ATRNL1: variants seen among roughly 807,000 people sequenced by gnomAD.
ATRNL1 encodes the protein attractin-like protein 1.
Under a neutral mutation model 182.7 loss-of-function variants are expected in ATRNL1, and 95 were observed. The ratio of observed to expected loss-of-function variants is 0.52; its 90% CI spans 0.44 to 0.62. The LOEUF (loss-of-function observed/expected upper bound fraction) is 0.62. Among genes scored for constraint, ATRNL1 ranks in the 20% least tolerant of loss-of-function variants. ATRNL1 has a pLI of 0.00. For missense variants in ATRNL1, 1,471 were observed against 1,679.5 expected, an observed-to-expected ratio of 0.88 and a Z score of 2.17; for synonymous variants, 576 against 568.3, an observed-to-expected ratio of 1.01 and a Z score of -0.19.
intron 5 of ATRNL1, among the ~76,000 whole-genome samples, chr10:115,131,159 TG>T (rs1258826905): frequency 1.3e-5 from 2 of 152,048 alleles, no homozygotes; most frequent in African/African-American, 4.8e-5. Context: ...AAGCAAATAC[TG>T]GGTATGTTCA....
intron 24 of ATRNL1, among the ~76,000 whole-genome samples, chr10:115,494,464 G>A (rs1043617460): frequency 2.0e-5 from 3 of 152,126 alleles, no homozygotes; most frequent in African/African-American, 4.8e-5. Context: ...TCAGCATGAC[G>A]TTGGCTGTGG....
intron 18 of ATRNL1, among the ~76,000 whole-genome samples, chr10:115,323,506 G>A (rs889500803): frequency 4.9e-5 from 7 of 143,216 alleles, no homozygotes; most frequent in South Asian, 2.3e-4. Context: ...GTGCAGTGGC[G>A]CAATCTCAGC....
chr10:115,309,663 G>A (rs181887060), intron 17 of ATRNL1, among the ~76,000 whole-genome samples: 1 of 152,158 alleles, frequency 6.6e-6, no homozygotes, highest in East Asian at 1.9e-4. Context: ...AAATCTAGGA[G>A]TCTTTTGGAG....
intron 27 of ATRNL1, among the ~76,000 whole-genome samples, chr10:115,797,808 C>T (rs75629453): frequency 0.042 from 6,422 of 152,224 alleles, 394 homozygotes; most frequent in African/African-American, 0.13. Flanking sequence ...AGGAGCCAGC[C>T]ATAGGGCTAT....
At chr10:115,297,725 G>A (rs1330464634) in intron 15 of ATRNL1, among the ~76,000 whole-genome samples, 1 of 150,888 alleles carries the variant, frequency 6.6e-6, no homozygotes, top group Non-Finnish European at 1.5e-5. Context: ...CTTATGCAGA[G>A]CTTATTATTG....
rs782705913 is a variant in ATRNL1 at position 115,859,625 on chromosome 10, T to C, written c.4018+11634T>C. Among the ~76,000 whole-genome samples, 88 of 152,256 alleles carry C rather than the reference T, an allele frequency of 5.8e-4. No homozygotes were observed. The Middle Eastern group carries it at 0.01, about 18-fold the overall frequency. On this transcript the variant is annotated intron_variant, in intron 28 of 28. Transcript: ENST00000355044. Reference sequence around the variant, plus strand: ...AAACATTTTTCTGGGGGTCACCTCATAGGGCCAGTGGTCCGTCAGCAAATC... The same window carrying C: ...AAACATTTTTCTGGGGGTCACCTCACAGGGCCAGTGGTCCGTCAGCAAATC...
intron 14 of ATRNL1, among the ~76,000 whole-genome samples, chr10:115,283,986 A>G (rs1852492748): frequency 6.6e-6 from 1 of 152,216 alleles, no homozygotes; most frequent in Non-Finnish European, 1.5e-5. Context: ...TTTGATTTCC[A>G]TTCAGCTTAT....
At chr10:115,679,341 T>C (rs1253824003) in intron 26 of ATRNL1, among the ~76,000 whole-genome samples, 1 of 152,068 alleles carries the variant, frequency 6.6e-6, no homozygotes, top group Non-Finnish European at 1.5e-5. Flanking sequence ...ATTCCAGGTT[T>C]GTTGTTCCTT....
At chr10:115,887,792 C>T (rs1220384631) in intron 28 of ATRNL1, among the ~76,000 whole-genome samples, 4 of 151,872 alleles carry the variant, frequency 2.6e-5, no homozygotes, top group African/African-American at 9.7e-5. Flanking sequence ...AATTTATCAC[C>T]GAGTTCACTA....
At chr10:115,605,690 A>G (rs1592936312) in intron 26 of ATRNL1, among the ~76,000 whole-genome samples, 1 of 152,044 alleles carries the variant, frequency 6.6e-6, no homozygotes, top group Non-Finnish European at 1.5e-5. Flanking sequence ...TTAAATAGAC[A>G]TGTGCCTTTT....
chr10:115,226,398 T>C (rs1849697108), intron 9 of ATRNL1, among the ~76,000 whole-genome samples: 1 of 151,948 alleles, frequency 6.6e-6, no homozygotes. Context: ...AGAAAAATGA[T>C]AGACTGAACT....
At chr10:115,388,180 A>G (rs1263404940) in intron 19 of ATRNL1, among the ~76,000 whole-genome samples, 1 of 152,062 alleles carries the variant, frequency 6.6e-6, no homozygotes, top group Non-Finnish European at 1.5e-5. Flanking sequence ...ACAGTTTTTC[A>G]TATTTTATAT....
chr10:115,522,624 C>T (rs1851002494), intron 25 of ATRNL1, among the ~76,000 whole-genome samples: 2 of 152,160 alleles, frequency 1.3e-5, no homozygotes, highest in African/African-American at 4.8e-5. Flanking sequence ...AAAATATAAT[C>T]ATTTAATCCC....
chr10:115,159,483 A>G (rs1226198589), intron 5 of ATRNL1, among the ~76,000 whole-genome samples: 1 of 151,178 alleles, frequency 6.6e-6, no homozygotes, highest in Non-Finnish European at 1.5e-5. Context: ...CTTTTTGAGG[A>G]CTCCACTGAA....
At chr10:115,884,073 C>T (rs1951889187) in intron 28 of ATRNL1, among the ~76,000 whole-genome samples, 1 of 152,190 alleles carries the variant, frequency 6.6e-6, no homozygotes, top group Non-Finnish European at 1.5e-5. Flanking sequence ...ATGGAACAAG[C>T]TGTCATAAAC....
chr10:115,513,163 C>T (rs1554983078), intron 24 of ATRNL1, among the ~76,000 whole-genome samples: 1 of 151,860 alleles, frequency 6.6e-6, no homozygotes, highest in Non-Finnish European at 1.5e-5. Context: ...CCTGCAGTTT[C>T]CAGTTTTATT....
At chr10:115,159,862 CT>C (rs1357166868) in intron 5 of ATRNL1, among the ~76,000 whole-genome samples, 177 bp from the exon 6 acceptor site, 1 of 151,540 alleles carries the variant, frequency 6.6e-6, no homozygotes, top group Non-Finnish European at 1.5e-5. Context: ...TTTTTCACCT[CT>C]AAGCATTACA....
chr10:115,252,147 C>T (rs1850906408), intron 10 of ATRNL1, among the ~76,000 whole-genome samples: 1 of 152,148 alleles, frequency 6.6e-6, no homozygotes, highest in South Asian at 2.1e-4. Context: ...CTGCCTCAGC[C>T]TCCTGAGTAG....
At chr10:115,366,693 A>T in intron 19 of ATRNL1, among the ~76,000 whole-genome samples, 2 of 150,438 alleles carry the variant, frequency 1.3e-5, no homozygotes, top group African/African-American at 2.5e-5. Flanking sequence ...TTCCTTCAGG[A>T]GCTCTTTTAG....
Sources: gnomAD v4.1 joint callset for allele counts (sites outside exome capture counted in the v4.1 genomes callset) on GRCh38, gnomAD v4.1.1 for gene constraint, MANE v1.5 for transcripts, NCBI Gene and HGNC (gene_info 2026-07-23, HGNC 2026-07-21) for gene names.